Variants in GRIK4 observed in about 807,000 individuals in gnomAD.
GRIK4 encodes the protein glutamate receptor ionotropic, kainate 4.
A neutral mutation model predicts 104.9 loss-of-function variants in GRIK4; 40 were observed. That is an observed-to-expected ratio of 0.38 (90% CI 0.30 to 0.50). GRIK4 has a LOEUF of 0.50. GRIK4 is among the 20% of genes least tolerant of loss of function. The pLI is 0.93. For synonymous variants in GRIK4, 485 were observed against 524.9 expected (o/e 0.92, Z 1.04); for missense variants, 1,047 against 1,308.1 (o/e 0.80, Z 3.08).
chr11:120,798,153 GTC>G (rs1239744916), intron 3 of GRIK4, among the ~76,000 whole-genome samples: 2 of 121,146 alleles, frequency 1.7e-5, no homozygotes, highest in African/African-American at 6.1e-5. Flanking sequence ...GAGCTCTGCT[GTC>G]TCTTTTTTTT....
At position 120,855,564 on chromosome 11, in the gene GRIK4, C is replaced by CTT. The variant is rs10717552; in HGVS notation, c.745-6381_745-6380dup. Among the ~76,000 whole-genome samples, 170 of 145,054 alleles carry CTT rather than the reference C, an allele frequency of 1.2e-3. 1 individual carries two copies. The highest frequency in any genetic ancestry group is 5.8e-3 in the East Asian group (29 of 4,962). ...CCAAGCAATTAGCATCTTATGGTGA[C>CTT]TTTTTTTTTTTTTTTCGAGACAGAG... On this transcript the variant is annotated intron_variant, in intron 8 of 20. Coordinates refer to ENST00000527524, the MANE Select transcript of GRIK4 (RefSeq NM_014619.5).
chr11:120,842,915 A>G (rs1040591315), intron 8 of GRIK4, among the ~76,000 whole-genome samples: 2 of 152,266 alleles, frequency 1.3e-5, no homozygotes, highest in South Asian at 2.1e-4. Context: ...AATTTGAGCT[A>G]ATAAATCTGG....
At chr11:120,668,381 AAAAAG>A (rs1405540190) in intron 3 of GRIK4, among the ~76,000 whole-genome samples, 1 of 152,026 alleles carries the variant, frequency 6.6e-6, no homozygotes, top group Non-Finnish European at 1.5e-5. Context: ...GAAAAGAAAG[AAAAAG>A]AAAGGAAGAA....
chr11:120,752,598 T>C (rs1411757625), intron 3 of GRIK4, among the ~76,000 whole-genome samples: 1 of 152,262 alleles, frequency 6.6e-6, no homozygotes, highest in Admixed American at 6.5e-5. Context: ...ATCTAGTTTA[T>C]GTTTTTTCAT....
Position 120,802,310 on chromosome 11 carries a change from A to G in GRIK4, c.83-383A>G, listed in dbSNP as rs1688475240. On this transcript the variant is annotated intron_variant, in intron 3 of 20. Coordinates refer to ENST00000527524, the MANE Select transcript of GRIK4 (RefSeq NM_014619.5). ...AGGGAGAGTTTCTCATATGTTCAGA[A>G]TACTATTTCAAAGGACAGCCACTAC... is the stretch of plus-strand genomic sequence containing the variant. Among the ~76,000 whole-genome samples the G allele has an allele frequency of 2.0e-5, 3 of 152,138 alleles. No homozygotes were observed. In the South Asian group the frequency reaches 6.2e-4, roughly 32 times the overall value.
intron 3 of GRIK4, among the ~76,000 whole-genome samples, chr11:120,741,297 T>TC: frequency 6.9e-6 from 1 of 145,644 alleles, no homozygotes; most frequent in Non-Finnish European, 1.5e-5. Context: ...TTTTTTTTTT[T>TC]TGAGACGGAG....
intron 1 of GRIK4, among the ~76,000 whole-genome samples, chr11:120,527,564 C>A (rs7104659): frequency 0.042 from 6,325 of 152,312 alleles, 438 homozygotes; most frequent in African/African-American, 0.14. Context: ...GCGCCCCAGA[C>A]ACTCGCACCT....
At chr11:120,640,024 C>T (rs998272661) in intron 1 of GRIK4, among the ~76,000 whole-genome samples, 1 of 152,200 alleles carries the variant, frequency 6.6e-6, no homozygotes, top group Non-Finnish European at 1.5e-5. Flanking sequence ...ATCCTCCTCC[C>T]ATCCCTCTGC....
chr11:120,796,229 G>C, intron 3 of GRIK4, among the ~76,000 whole-genome samples: 1 of 151,896 alleles, frequency 6.6e-6, no homozygotes, highest in East Asian at 1.9e-4. Context: ...TAGAGACGGG[G>C]TTTCACCATG....
Position 120,660,279 on chromosome 11 carries a change from T to C in GRIK4, c.-40T>C, listed in dbSNP as rs1949790119. On this transcript the variant is annotated 5_prime_UTR_variant, in exon 3 of 21. The change abolishes an upstream ATG in the 5' untranslated region. Transcript: ENST00000527524. ...CCCCCTCTCTCGCAGAGTTATGTCATGCCCAGGCCAGCAGGGGGCTCCATG... is the reference window on the plus strand; with the variant it reads ...CCCCCTCTCTCGCAGAGTTATGTCACGCCCAGGCCAGCAGGGGGCTCCATG... 6.8e-7 allele frequency: 1 copy of C among 1,473,554 alleles called. No individual in the cohort carries two copies. Among genetic ancestry groups the C allele is most frequent in the Non-Finnish European group, 9.5e-7 (1 of 1,054,296 alleles). The allele number at this position is 1,473,554 out of a possible 1,614,324, so 91.3% of individuals were successfully genotyped here.
chr11:120,876,194 C>T (rs1156458640), intron 11 of GRIK4, among the ~76,000 whole-genome samples: 2 of 145,442 alleles, frequency 1.4e-5, no homozygotes, highest in East Asian at 2.1e-4. Context: ...ATCATCACCA[C>T]TACAACCACC....
chr11:120,668,829 T>C (rs1463503471), intron 3 of GRIK4, among the ~76,000 whole-genome samples: 2 of 152,236 alleles, frequency 1.3e-5, no homozygotes, highest in Non-Finnish European at 2.9e-5. Flanking sequence ...AATTTCTCAG[T>C]GTCTCCATTT....
Position 120,924,178 on chromosome 11 carries a change from A to G in GRIK4, c.1477-16169A>G, listed in dbSNP as rs574991128. Among the ~76,000 whole-genome samples, 35 of 152,224 alleles carry G rather than the reference A, an allele frequency of 2.3e-4. 1 individual carries two copies. The South Asian group carries it at 7.3e-3, about 32-fold the overall frequency. ...CAAATGAGAATGAAAATCCATGAAA[A>G]CATCCAGATGTGCATTTTACCCCTT... On this transcript the variant is annotated intron_variant, in intron 13 of 20. Transcript: ENST00000527524.
chr11:120,544,607 A>C (rs1226821102), intron 1 of GRIK4, among the ~76,000 whole-genome samples: 1 of 152,232 alleles, frequency 6.6e-6, no homozygotes, highest in Admixed American at 6.5e-5. Context: ...CTGGGATTAC[A>C]GGCTAAAGAG....
intron 19 of GRIK4, among the ~76,000 whole-genome samples, chr11:120,972,521 GA>G (rs970139366): frequency 1.6e-4 from 24 of 151,730 alleles, no homozygotes; most frequent in African/African-American, 5.3e-4. Flanking sequence ...AAGTTAGAGT[GA>G]AAAAAAAGAG....
At chr11:120,978,340 G>C (rs1944595613) in intron 19 of GRIK4, among the ~76,000 whole-genome samples, 1 of 152,220 alleles carries the variant, frequency 6.6e-6, no homozygotes, top group Non-Finnish European at 1.5e-5. Context: ...AGAGAAGGCA[G>C]CCTGGAGGAA....
intron 6 of GRIK4, among the ~76,000 whole-genome samples, chr11:120,831,483 C>G (rs1953426125): frequency 6.6e-6 from 1 of 152,154 alleles, no homozygotes; most frequent in South Asian, 2.1e-4. Flanking sequence ...CAGACTCAGG[C>G]CTGGTGGTCT....
chr11:120,765,460 C>G (rs1393490376), intron 3 of GRIK4, among the ~76,000 whole-genome samples: 1 of 152,080 alleles, frequency 6.6e-6, no homozygotes, highest in African/African-American at 2.4e-5. Context: ...CTACTTCTAT[C>G]AATTCGTCAA....
At chr11:120,981,519 T>C (rs1386541294) in intron 19 of GRIK4, among the ~76,000 whole-genome samples, 1 of 152,210 alleles carries the variant, frequency 6.6e-6, no homozygotes, top group Admixed American at 6.5e-5. Context: ...TGGGAATCAA[T>C]ATTTTTAGTC....
Sources: allele counts gnomAD v4.1 joint callset (sites outside exome capture counted in the v4.1 genomes callset), GRCh38; gene constraint gnomAD v4.1.1; transcripts MANE v1.5; gene names NCBI Gene and HGNC (gene_info 2026-07-23, HGNC 2026-07-21).